The following TNFAIP2 variants were observed in gnomAD, a reference collection of about 807,000 sequenced individuals.
The protein encoded by TNFAIP2 is tumor necrosis factor alpha-induced protein 2.
A neutral mutation model predicts 63.5 loss-of-function variants in TNFAIP2; 47 were observed. The observed-to-expected ratio is 0.74, with a 90% confidence interval of 0.59 to 0.94. The LOEUF (loss-of-function observed/expected upper bound fraction) is 0.94, where lower values mean the gene tolerates loss of function less well. Among genes scored for constraint, TNFAIP2 ranks in the 40% least tolerant of loss-of-function variants. TNFAIP2 has a pLI of 0.00. For missense variants in TNFAIP2, 787 were observed against 850.2 expected (o/e 0.93, Z 0.92); for synonymous variants, 405 against 390.2 (o/e 1.04, Z -0.45).
chr14:103,133,847 GC>G, intron 11 of TNFAIP2, 44 bp downstream of exon 11: 1 of 1,551,368 alleles, frequency 6.4e-7, no homozygotes, highest in Non-Finnish European at 8.6e-7. Flanking sequence ...CATCACTGTG[GC>G]CAAGGCCTCA....
Position 103,133,748 on chromosome 14 carries a change from C to G in TNFAIP2, c.1768C>G (p.Pro590Ala), listed in dbSNP as rs764167130. Residue 590 changes from proline (P) to alanine (A), a missense_variant, in exon 11 of 12, where the codon CCC becomes GCC. By Grantham distance (27) the Pro-to-Ala change is conservative (BLOSUM62 -1). Coordinates refer to ENST00000560869, the MANE Select transcript of TNFAIP2 (RefSeq NM_006291.4). Reference sequence around the variant, plus strand: ...GGCCGAGATCATTCGCCTGCAGGACCCCAGTGCCATCAAGATTGAGGTGGC... The same window carrying G: ...GGCCGAGATCATTCGCCTGCAGGACGCCAGTGCCATCAAGATTGAGGTGGC... Reference protein sequence around the residue: ...TLAEIIRLQDPSAIKIEVATY... With the variant: ...TLAEIIRLQDASAIKIEVATY... The G allele has an allele frequency of 6.3e-7, 1 of 1,597,088 alleles. No homozygotes were observed.
Position 103,133,467 on chromosome 14 carries a change from G to A in TNFAIP2, c.1651G>A (p.Gly551Arg), listed in dbSNP as rs2088032058. 1 of 1,613,780 alleles carries A rather than the reference G, an allele frequency of 6.2e-7. No homozygotes were observed. The highest frequency in any genetic ancestry group is 8.5e-7 in the Non-Finnish European group (1 of 1,180,034). ...GGCCGAGCAGCAGCAGCAGCTGGCT[G>A]GGTACATCCTGGCCAATGCTGACAC... ...KTAEQQQQLAGYILANADTIQ... is the reference protein window; with the variant it reads ...KTAEQQQQLARYILANADTIQ... Residue 551 changes from glycine (G) to arginine (R), a missense_variant, in exon 10 of 12, where the codon GGG becomes AGG. Transcript: ENST00000560869.
At chr14:103,122,990 C>T (rs1004734904), upstream of TNFAIP2, 1 of 351,914 alleles carries the variant, frequency 2.8e-6, no homozygotes, top group Non-Finnish European at 5.7e-6. Flanking sequence ...CTTCAGGAAG[C>T]CCCCGTCCCC....
rs1311663030 is a variant in TNFAIP2, at chr14:103,135,977, C to T, written c.*617C>T. The T allele has an allele frequency of 3.9e-6, 5 of 1,289,156 alleles. No homozygotes were observed. In the South Asian group the frequency reaches 4.9e-5, roughly 13 times the overall value. The allele number at this position is 1,289,156 out of a possible 1,614,324, so 79.9% of individuals were successfully genotyped here. A position where few individuals can be genotyped will look rare whatever the true frequency, so the allele number is the denominator to read the frequency against. ...CATCCAGGTGGCCCCACGGCCCCTA[C>T]AGGCTGGCCCTGCAATGGGGCCCTG... is the stretch of plus-strand genomic sequence containing the variant. On this transcript the variant is annotated 3_prime_UTR_variant, in exon 12 of 12. Coordinates refer to ENST00000560869, the MANE Select transcript of TNFAIP2 (RefSeq NM_006291.4). This position sits in a 1 kb window ranked among gnomAD's most constrained non-coding sequence, Gnocchi z 7.6.
chr14:103,129,726 TC>T lies in TNFAIP2; in HGVS notation c.861-10del, dbSNP rs931682089. ...TGGTATAGTTGTCCTCATGCCAGCC[TC>T]CCCTGCCTGCAGTGACATCATCAAC... On this transcript the variant is annotated splice_polypyrimidine_tract_variant and intron_variant, in intron 3 of 11. Transcript: ENST00000560869. The T allele has an allele frequency of 1.7e-5, 27 of 1,611,442 alleles. No individual in the cohort carries two copies. The highest frequency in any genetic ancestry group is 2.1e-5 in the Non-Finnish European group (25 of 1,177,956).
intron 1 of TNFAIP2, 125 bp from the exon 2 acceptor site, chr14:103,126,185 G>GT (rs2087847744): frequency 3.4e-6 from 1 of 292,754 alleles, no homozygotes; most frequent in African/African-American, 2.2e-5. Context: ...GATGAGCAGA[G>GT]CCCCGGTGGC....
At position 103,135,206 on chromosome 14, in the gene TNFAIP2, CT is replaced by C; in HGVS notation, c.1824-12del. 1 of 1,613,692 alleles carries C rather than the reference CT, an allele frequency of 6.2e-7. No homozygotes were observed. The highest frequency in any genetic ancestry group is 8.5e-7 in the Non-Finnish European group (1 of 1,179,988). On this transcript the variant is annotated splice_polypyrimidine_tract_variant and intron_variant, in intron 11 of 11. Coordinates refer to ENST00000560869, the MANE Select transcript of TNFAIP2 (RefSeq NM_006291.4). This position sits in a 1 kb window ranked among gnomAD's most constrained non-coding sequence, Gnocchi z 7.6. ...GGTGACAGGCTGGGCTGACAGGATG[CT>C]CTCTTTGCCAGCAAAGGCCACCTGA...
Position 103,127,525 on chromosome 14 carries a change from C to A in TNFAIP2, c.756C>A (p.Ser252Arg). The A allele has an allele frequency of 6.3e-7, 1 of 1,589,652 alleles. No individual in the cohort carries two copies. ...GCGTCGTGGCGGCCTACGCCGAGAG[C>A]TACCACCAGCACTTCGCGGCCCACC... is the stretch of plus-strand genomic sequence containing the variant. ...EFGVVAAYAE[S>R]YHQHFAAHLA... Residue 252 changes from serine to arginine, a missense_variant, in exon 3 of 12, where the codon AGC becomes AGA. Around this residue, in one of 3 missense-constraint regions of TNFAIP2, gnomAD observed 523 missense variants for 604.1 expected, o/e 0.87. Coordinates refer to ENST00000560869, the MANE Select transcript of TNFAIP2 (RefSeq NM_006291.4). The surrounding 1 kb of genome is among the most constrained non-coding windows in gnomAD (Gnocchi z 5.1).
chr14:103,126,637 G>A lies in TNFAIP2; in HGVS notation c.180G>A (p.Ala60=). The A allele has an allele frequency of 6.4e-7, 1 of 1,555,018 alleles. No individual in the cohort carries two copies. The highest frequency in any genetic ancestry group is 1.2e-5 in the South Asian group (1 of 84,430). Residue 60 remains alanine, a synonymous_variant, in exon 2 of 12, where the codon GCG becomes GCA. Transcript: ENST00000560869. ...GKKKKGQPSS[A]EPEDAAGSRQ... is the part of the protein sequence containing the mutation. The stretch of plus-strand genomic sequence containing the variant: ...AGAAGAAGGGTCAGCCCAGCTCAGC[G>A]GAGCCCGAGGACGCAGCCGGGTCCA...
At chr14:103,133,886 T>C in intron 11 of TNFAIP2, 83 bp downstream of exon 11, 1 of 1,488,764 alleles carries the variant, frequency 6.7e-7, no homozygotes, top group Non-Finnish European at 8.9e-7. Flanking sequence ...ACCCAGATCC[T>C]GGCAGCTGCC....
rs370609704 is a variant in TNFAIP2 at position 103,127,570 on chromosome 14, C to T, written c.801C>T (p.Phe267=). 7.0e-6 allele frequency: 11 copies of T among 1,573,914 alleles called. No individual in the cohort carries two copies. The African/African-American group carries it at 1.3e-4, about 19-fold the overall frequency. The change falls in exon 3 of 12, where the codon TTC becomes TTT. Residue 267 remains phenylalanine (F), a synonymous_variant. Coordinates refer to ENST00000560869, the MANE Select transcript of TNFAIP2 (RefSeq NM_006291.4). This position sits in a 1 kb window ranked among gnomAD's most constrained non-coding sequence, Gnocchi z 5.1. The stretch of plus-strand genomic sequence containing the variant: ...CCCACCTGGCCGCCGTGGCGCAGTT[C>T]GAGCTGTGCGAGCGCGACACCTACA... The part of the protein sequence containing the change: ...FAAHLAAVAQ[F]ELCERDTYML...
chr14:103,133,019 C>A (rs1051376181), intron 9 of TNFAIP2, 147 bp downstream of exon 9: 27 of 1,325,020 alleles, frequency 2.0e-5, no homozygotes, highest in Non-Finnish European at 2.7e-5. Flanking sequence ...TGAACACGTG[C>A]ACATGTGAAC....
rs377284003 is a variant in TNFAIP2, at chr14:103,133,525, G to A, written c.1701+8G>A. On this transcript the variant is annotated splice_region_variant and intron_variant, in intron 10 of 11. Transcript: ENST00000560869. ...CACTTCTGCACCCAGCACGTAAGCC[G>A]CTGCCCACCTCTCCCAAGCCCCTCT... The A allele has an allele frequency of 1.1e-5, 17 of 1,612,078 alleles. No homozygotes were observed. The highest frequency in any genetic ancestry group is 8.3e-5 in the Admixed American group (5 of 59,918).
rs1403562602 is a variant in TNFAIP2, at chr14:103,124,179, A to G, written c.-149+228A>G. Among the ~76,000 whole-genome samples, 4 of 152,144 alleles carry G rather than the reference A, an allele frequency of 2.6e-5. No homozygotes were observed. The East Asian group carries it at 7.7e-4, about 29-fold the overall frequency. ...GGACACAGGAGACTCACCCCCACTG[A>G]GGCCCAGCTAGGCGCCCAGCACTTG... On this transcript the variant is annotated intron_variant, in intron 1 of 11. Coordinates refer to ENST00000560869, the MANE Select transcript of TNFAIP2 (RefSeq NM_006291.4).
At chr14:103,132,692 C>T (rs902583638) in intron 8 of TNFAIP2, 58 bp from the exon 9 acceptor site, 3 of 1,563,030 alleles carry the variant, frequency 1.9e-6, no homozygotes, top group Non-Finnish European at 1.7e-6. Flanking sequence ...TGCGTGTCTG[C>T]GGCTGGCAGC....
upstream of TNFAIP2, among the ~76,000 whole-genome samples, chr14:103,121,963 C>G (rs1595269217): frequency 6.6e-6 from 1 of 152,086 alleles, no homozygotes; most frequent in Non-Finnish European, 1.5e-5. Context: ...AGCAGCCAGC[C>G]GTGAAGGCAG....
chr14:103,126,400 C>T lies in TNFAIP2; in HGVS notation c.-58C>T, dbSNP rs2087852064. The T allele has an allele frequency of 7.5e-7, 1 of 1,333,312 alleles. No homozygotes were observed. The allele number at this position is 1,333,312 out of a possible 1,614,324, so 82.6% of individuals were successfully genotyped here. On this transcript the variant is annotated 5_prime_UTR_variant, in exon 2 of 12. Transcript: ENST00000560869. Reference sequence around the variant, plus strand: ...ATCAGCCTGTGCCAGGCACCCTCGACTTGCCTAGAGGCCCCCAAAAGTTGC... The same window carrying T: ...ATCAGCCTGTGCCAGGCACCCTCGATTTGCCTAGAGGCCCCCAAAAGTTGC...
Position 103,127,454 on chromosome 14 carries a change from G to T in TNFAIP2, c.685G>T (p.Glu229Ter), listed in dbSNP as rs1490111262. Residue 229 changes from glutamate (E) to a stop codon, truncating the protein, a stop_gained, in exon 3 of 12, where the codon GAG (glutamate) becomes TAG (stop). Transcript: ENST00000560869. LOFTEE classifies it high-confidence loss of function. This position sits in a 1 kb window ranked among gnomAD's most constrained non-coding sequence, Gnocchi z 5.1. ...GGGCCGCACCATGAAGGAGGACCTG[G>T]AGGCCGTGGTGGAGCGGCTGAAGCC... The part of the protein sequence containing the change: ...HLGRTMKEDL[E>*]AVVERLKPLF... 1.3e-6 allele frequency: 2 copies of T among 1,588,644 alleles called. No homozygotes were observed. Among genetic ancestry groups the T allele is most frequent in the Non-Finnish European group, 1.7e-6 (2 of 1,175,648 alleles).
intron 9 of TNFAIP2, 116 bp downstream of exon 9, chr14:103,132,988 ACACGTGAATG>A: frequency 1.3e-6 from 2 of 1,485,948 alleles, no homozygotes; most frequent in South Asian, 1.2e-5. Context: ...ACATGTGAAC[ACACGTGAATG>A]CACGAGCATG....
Sources: allele counts gnomAD v4.1 joint callset (sites outside exome capture counted in the v4.1 genomes callset), GRCh38; gene constraint gnomAD v4.1.1; regional missense constraint gnomAD v4.1.1; non-coding constraint Gnocchi (gnomAD v3.1); transcripts MANE v1.5; gene names NCBI Gene and HGNC (gene_info 2026-07-23, HGNC 2026-07-21).